The following KIZ variants were observed in gnomAD, a reference collection of about 807,000 sequenced individuals.
The protein encoded by KIZ is centrosomal protein kizuna.
In KIZ, 68 loss-of-function variants were observed where a neutral mutation model predicts 79.6. The ratio of observed to expected loss-of-function variants is 0.85; its 90% confidence interval spans 0.70 to 1.05. KIZ has a LOEUF of 1.05. Ranked by LOEUF, KIZ falls within the 50% of genes least tolerant of loss-of-function variation. KIZ has a pLI of 0.00. For synonymous variants in KIZ, 280 were observed against 281.8 expected (o/e 0.99, Z 0.06); for missense variants, 797 against 800.4 (o/e 1.00, Z 0.05).
intron 3 of KIZ, among the ~76,000 whole-genome samples, chr20:21,138,112 T>G (rs979786071): frequency 6.6e-6 from 1 of 152,082 alleles, no homozygotes; most frequent in African/African-American, 2.4e-5. Flanking sequence ...TTTCCCCACT[T>G]CTCCCAAAAA....
intron 11 of KIZ, among the ~76,000 whole-genome samples, chr20:21,238,940 T>C (rs927487644): frequency 6.6e-6 from 1 of 152,120 alleles, no homozygotes; most frequent in Non-Finnish European, 1.5e-5. Flanking sequence ...CCTCCATCTG[T>C]CCCCAAACCT....
chr20:21,212,326 C>T (rs1184363465), intron 7 of KIZ, among the ~76,000 whole-genome samples: 3 of 152,114 alleles, frequency 2.0e-5, no homozygotes, highest in Non-Finnish European at 2.9e-5. Context: ...TTCCAACTTA[C>T]AATGGTTCAA....
At chr20:21,143,759 G>C (rs1358283910) in intron 3 of KIZ, among the ~76,000 whole-genome samples, 2 of 152,198 alleles carry the variant, frequency 1.3e-5, no homozygotes, top group African/African-American at 4.8e-5. Flanking sequence ...AGGGGCTCCA[G>C]ACCAGGAGAT....
At chr20:21,245,665 T>G (rs2037364844) in intron 12 of KIZ, 1 of 152,338 alleles carries the variant, frequency 6.6e-6, no homozygotes, top group Non-Finnish European at 1.5e-5. Flanking sequence ...CAGACGCGCC[T>G]ACAGCTTCCT....
chr20:21,160,904 G>C (rs2033623426), intron 4 of KIZ: 1 of 152,990 alleles, frequency 6.5e-6, no homozygotes, highest in Non-Finnish European at 1.5e-5. Flanking sequence ...CAGACCCAGA[G>C]TCTGCTGGCG....
intron 4 of KIZ, among the ~76,000 whole-genome samples, chr20:21,148,172 A>G (rs973985545): frequency 2.0e-5 from 3 of 152,038 alleles, no homozygotes; most frequent in African/African-American, 4.8e-5. Context: ...TGTATTGGGG[A>G]TGGCCATTGA....
At chr20:21,241,364 G>C (rs2037210089) in intron 11 of KIZ, among the ~76,000 whole-genome samples, 1 of 152,208 alleles carries the variant, frequency 6.6e-6, no homozygotes, top group African/African-American at 2.4e-5. Flanking sequence ...TTAGATACGA[G>C]AGTGGAGAAC....
At chr20:21,130,527 T>C (rs893040404) in intron 1 of KIZ, among the ~76,000 whole-genome samples, 6 of 152,250 alleles carry the variant, frequency 3.9e-5, no homozygotes, top group African/African-American at 1.4e-4. Context: ...AATTATGCTA[T>C]GTTTCCTTCA....
chr20:21,177,333 A>T (rs1024971714), intron 6 of KIZ, among the ~76,000 whole-genome samples: 1 of 152,158 alleles, frequency 6.6e-6, no homozygotes, highest in Admixed American at 6.5e-5. Context: ...ATGATTAGTG[A>T]TGAGCATCTT....
intron 2 of KIZ, 148 bp downstream of exon 2, chr20:21,132,307 C>T (rs892747365): frequency 3.6e-6 from 2 of 550,112 alleles, no homozygotes; most frequent in Non-Finnish European, 6.4e-6. Flanking sequence ...GAGTCTTGCT[C>T]TTTCGCTCAG....
chr20:21,135,632 A>C (rs906220687), intron 2 of KIZ, among the ~76,000 whole-genome samples: 13 of 152,244 alleles, frequency 8.5e-5, no homozygotes, highest in African/African-American at 2.9e-4. Context: ...ATGTTGAATA[A>C]TTTATTGAGC....
rs1342380166 is a variant in KIZ, at chr20:21,162,034, A to G, written c.569A>G (p.Asp190Gly). The G allele has an allele frequency of 6.2e-7, 1 of 1,613,818 alleles. No individual in the cohort carries two copies. The highest frequency in any genetic ancestry group is 2.2e-5 in the East Asian group (1 of 44,892). The change falls in exon 5 of 13, where the codon GAC becomes GGC. Residue 190 changes from aspartate (D) to glycine (G), a missense_variant. By Grantham distance (94) the Asp-to-Gly change is moderately conservative (BLOSUM62 -1). Transcript: ENST00000619189. ...PQPTKNFSIPDPHSHRQTAQS... is the reference protein window; with the variant it reads ...PQPTKNFSIPGPHSHRQTAQS... ...CCCACAAAGAACTTTTCAATTCCTG[A>G]CCCACATTCACACCGACAGACAGCC...
intron 4 of KIZ, among the ~76,000 whole-genome samples, chr20:21,158,982 ATATT>A (rs68145616): frequency 0.015 from 2,166 of 148,332 alleles, 49 homozygotes; most frequent in African/African-American, 0.05. Flanking sequence ...ATATACACAT[ATATT>A]TATTTATTTA....
chr20:21,188,734 C>T (rs1446089083), intron 6 of KIZ, among the ~76,000 whole-genome samples: 1 of 149,866 alleles, frequency 6.7e-6, no homozygotes, highest in Non-Finnish European at 1.5e-5. Context: ...GAGTCTTGCC[C>T]TGTCACCCAG....
At chr20:21,153,468 T>C (rs2033220453) in intron 4 of KIZ, among the ~76,000 whole-genome samples, 4 of 152,178 alleles carry the variant, frequency 2.6e-5, no homozygotes, top group Admixed American at 6.5e-5. Context: ...ATAGTTCCAA[T>C]AACTGTTGAA....
At position 21,215,596 on chromosome 20, in the gene KIZ, C is replaced by G. The variant is rs768810014; in HGVS notation, c.1626C>G (p.Gly542=). 1 of 1,599,228 alleles carries G rather than the reference C, an allele frequency of 6.3e-7. No homozygotes were observed. Among genetic ancestry groups the G allele is most frequent in the East Asian group, 2.2e-5 (1 of 44,698 alleles). The change falls in exon 9 of 13, where the codon GGC becomes GGG. Residue 542 remains glycine (G), a synonymous_variant. Transcript: ENST00000619189. Reference sequence around the variant, plus strand: ...TTCAATTTTTAGAAGTTTCAAGTGGCTGTGGAGACAAGAGCAAGAAAGAAA... The same window carrying G: ...TTCAATTTTTAGAAGTTTCAAGTGGGTGTGGAGACAAGAGCAAGAAAGAAA... ...VPTREQEVSS[G]CGDKSKKENV... is the part of the protein sequence containing the mutation.
intron 6 of KIZ, among the ~76,000 whole-genome samples, chr20:21,201,349 T>C (rs1380650751): frequency 6.6e-6 from 1 of 152,228 alleles, no homozygotes; most frequent in African/African-American, 2.4e-5. Context: ...ATAAAAATGA[T>C]TAATAAGTAT....
rs1416699008 is a variant in KIZ, at chr20:21,166,176, A to AT, written c.1352+3021dup. 1.9e-5 allele frequency: 21 copies of AT among 1,085,712 alleles called. No homozygotes were observed. The Admixed American group carries it at 4.1e-4, about 21-fold the overall frequency. The allele number at this position is 1,085,712 out of a possible 1,614,324, so 67.3% of individuals were successfully genotyped here. A position where few individuals can be genotyped will look rare whatever the true frequency, so the allele number is the denominator to read the frequency against. On this transcript the variant is annotated intron_variant, in intron 6 of 12. Coordinates refer to ENST00000619189, the MANE Select transcript of KIZ (RefSeq NM_018474.6). Reference sequence around the variant, plus strand: ...TTTTTTTTTTTTTTGTCCATGAGGCATTTTATTTGTAAATATATGTATTAC... The same window carrying AT: ...TTTTTTTTTTTTTTGTCCATGAGGCATTTTTATTTGTAAATATATGTATTAC...
At chr20:21,143,257 C>G (rs1414801409) in intron 3 of KIZ, among the ~76,000 whole-genome samples, 1 of 152,096 alleles carries the variant, frequency 6.6e-6, no homozygotes, top group Non-Finnish European at 1.5e-5. Flanking sequence ...AGATTTTAAA[C>G]GTCGATTCAG....
Sources: allele counts gnomAD v4.1 joint callset (sites outside exome capture counted in the v4.1 genomes callset), GRCh38; gene constraint gnomAD v4.1.1; transcripts MANE v1.5; gene names NCBI Gene and HGNC (gene_info 2026-07-23, HGNC 2026-07-21).